Variants in YTHDF3 observed in about 807,000 individuals in gnomAD.
YTHDF3 encodes the protein YTH domain-containing family protein 3.
YTHDF3 carries 9 observed loss-of-function variants against 52.5 expected under a neutral mutation model. The ratio of observed to expected loss-of-function variants is 0.17; its 90% CI spans 0.10 to 0.30. The LOEUF is 0.30. Ranked by LOEUF, YTHDF3 falls within the 10% of genes least tolerant of loss-of-function variation. YTHDF3 has a pLI of 1.00. For missense variants in YTHDF3, 534 were observed against 715.0 expected, an observed-to-expected ratio of 0.75 and a Z score of 2.89; for synonymous variants, 274 against 243.3, an observed-to-expected ratio of 1.13 and a Z score of -1.18.
intron 4 of YTHDF3, among the ~76,000 whole-genome samples, chr8:63,199,399 A>AT (rs567705771): frequency 1.3e-3 from 193 of 152,160 alleles, no homozygotes; most frequent in Admixed American, 2.1e-3. Context: ...TGAATACTGC[A>AT]TTTTTTTATC....
chr8:63,177,931 T>C (rs888545072), intron 3 of YTHDF3, among the ~76,000 whole-genome samples: 2 of 152,100 alleles, frequency 1.3e-5, no homozygotes, highest in Admixed American at 6.5e-5. Context: ...CTAATTTTTA[T>C]ATTTTTAGGA....
chr8:63,193,450 T>TA (rs1350704512), intron 4 of YTHDF3, among the ~76,000 whole-genome samples: 1 of 146,452 alleles, frequency 6.8e-6, no homozygotes, highest in Non-Finnish European at 1.5e-5. Flanking sequence ...CTTAACTGAC[T>TA]AAAGATTTTT....
At chr8:63,191,617 A>G (rs1229142593) in intron 4 of YTHDF3, among the ~76,000 whole-genome samples, 1 of 152,204 alleles carries the variant, frequency 6.6e-6, no homozygotes, top group Non-Finnish European at 1.5e-5. Flanking sequence ...AAAAAATTAA[A>G]TATAATAAAA....
chr8:63,202,974 G>A (rs1430873321), intron 4 of YTHDF3, among the ~76,000 whole-genome samples: 3 of 152,068 alleles, frequency 2.0e-5, no homozygotes, highest in Non-Finnish European at 2.9e-5. Flanking sequence ...GGGCACGGTG[G>A]CTCGTGCCTG....
At chr8:63,173,185 GAA>G (rs1175582692) in intron 2 of YTHDF3, among the ~76,000 whole-genome samples, 1 of 103,556 alleles carries the variant, frequency 9.7e-6, no homozygotes, top group Non-Finnish European at 1.7e-5. Context: ...AAAAAAATAA[GAA>G]TAACAGGATT....
chr8:63,194,019 T>A (rs1809078860), intron 4 of YTHDF3, among the ~76,000 whole-genome samples: 1 of 151,942 alleles, frequency 6.6e-6, no homozygotes, highest in Non-Finnish European at 1.5e-5. Context: ...TTAGGAGCAA[T>A]CAATAGTTTT....
At position 63,210,420 on chromosome 8, in the gene YTHDF3, A is replaced by G. The variant is rs1810310846; in HGVS notation, c.*714A>G. The G allele has an allele frequency of 6.6e-6, 1 of 152,566 alleles. No homozygotes were observed. The highest frequency in any genetic ancestry group is 1.5e-5 in the Non-Finnish European group (1 of 68,008). The allele number at this position is 152,566 out of a possible 1,614,324, so 9.5% of individuals were successfully genotyped here. Reference sequence around the variant, plus strand: ...TTAATATGTATACTGAAAAATGTGCATTTGTCTGAGGAATTATTTTGTTTG... The same window carrying G: ...TTAATATGTATACTGAAAAATGTGCGTTTGTCTGAGGAATTATTTTGTTTG... On this transcript the variant is annotated 3_prime_UTR_variant, in exon 5 of 5. Coordinates refer to ENST00000539294, the MANE Select transcript of YTHDF3 (RefSeq NM_152758.6).
rs116862849 is a variant in YTHDF3, at chr8:63,201,663, G to A, written c.1735-8020G>A. Reference sequence around the variant, plus strand: ...TTTATTGAAAGGTGATTCAACTCTGGTATTGGCTGCATTTGACGCGCTTGA... The same window carrying A: ...TTTATTGAAAGGTGATTCAACTCTGATATTGGCTGCATTTGACGCGCTTGA... On this transcript the variant is annotated intron_variant, in intron 4 of 4. Coordinates refer to ENST00000539294, the MANE Select transcript of YTHDF3 (RefSeq NM_152758.6). Among the ~76,000 whole-genome samples the A allele has an allele frequency of 1.5e-3, 234 of 152,224 alleles. 1 individual carries two copies. The highest frequency in any genetic ancestry group is 2.9e-3 in the Admixed American group (44 of 15,288).
In YTHDF3 at chr8:63,212,195, G is replaced by T. The variant is rs916093752; in HGVS notation, c.*2489G>T. ...TTCTTATTAAAGCTATCTTATGTGG[G>T]TATTTTATTTTGAAAGGTATTATAG... On this transcript the variant is annotated 3_prime_UTR_variant, in exon 5 of 5. Coordinates refer to ENST00000539294, the MANE Select transcript of YTHDF3 (RefSeq NM_152758.6). 1 of 152,532 alleles carries T rather than the reference G, an allele frequency of 6.6e-6. No homozygotes were observed. Among genetic ancestry groups the T allele is most frequent in the Non-Finnish European group, 1.5e-5 (1 of 67,998 alleles). The allele number at this position is 152,532 out of a possible 1,614,324, so 9.4% of individuals were successfully genotyped here. A position where few individuals can be genotyped will look rare whatever the true frequency, so the allele number is the denominator to read the frequency against.
Position 63,168,916 on chromosome 8 carries a change from G to A in YTHDF3, c.24+15G>A, listed in dbSNP as rs1807073084. The A allele has an allele frequency of 1.3e-6, 2 of 1,550,562 alleles. No individual in the cohort carries two copies. Among genetic ancestry groups the A allele is most frequent in the Admixed American group, 2.0e-5 (1 of 51,064 alleles). On this transcript the variant is annotated intron_variant, in intron 1 of 4. Transcript: ENST00000539294. ...GCGTGGATCAGGTGAGGGAGCAGAGGCCCCAGGCTTGGCGAAGGCCCGAGC... is the reference window on the plus strand; with the variant it reads ...GCGTGGATCAGGTGAGGGAGCAGAGACCCCAGGCTTGGCGAAGGCCCGAGC...
chr8:63,190,293 CTTCTGTGTCT>C (rs1475597959), intron 4 of YTHDF3, among the ~76,000 whole-genome samples: 5 of 151,314 alleles, frequency 3.3e-5, no homozygotes, highest in Non-Finnish European at 7.4e-5. Context: ...GATAATCACC[CTTCTGTGTCT>C]TTTTTTTTTT....
At chr8:63,208,452 A>G (rs1366014017) in intron 4 of YTHDF3, among the ~76,000 whole-genome samples, 1 of 152,234 alleles carries the variant, frequency 6.6e-6, no homozygotes, top group East Asian at 1.9e-4. Context: ...GAGTCTTTTA[A>G]TGTGTTAAAC....
At chr8:63,188,004 TATCATCAAAGCTGAATGAATTTTGGC>T (rs1808643152) in intron 4 of YTHDF3, among the ~76,000 whole-genome samples, 1 of 152,220 alleles carries the variant, frequency 6.6e-6, no homozygotes, top group African/African-American at 2.4e-5. Context: ...CCTCAGTGTT[TATCATCAAAGCTGAATGAATTTTGGC>T]ATTTGTAACT....
intron 3 of YTHDF3, among the ~76,000 whole-genome samples, chr8:63,181,926 A>T (rs912775261): frequency 6.6e-6 from 1 of 152,246 alleles, no homozygotes; most frequent in African/African-American, 2.4e-5. Flanking sequence ...TTAGATATGC[A>T]TAAATTATAC....
At chr8:63,179,797 G>A (rs1295765517) in intron 3 of YTHDF3, among the ~76,000 whole-genome samples, 1 of 151,860 alleles carries the variant, frequency 6.6e-6, no homozygotes, top group East Asian at 2.0e-4. Flanking sequence ...AGGGGCGGCC[G>A]GGCAGAGGTG....
At chr8:63,183,325 A>G (rs1808277859) in intron 3 of YTHDF3, among the ~76,000 whole-genome samples, 1 of 151,930 alleles carries the variant, frequency 6.6e-6, no homozygotes, top group African/African-American at 2.4e-5. Context: ...ATTTTTATTA[A>G]ACTTTTGAGA....
At chr8:63,189,126 CTG>C (rs1808746861) in intron 4 of YTHDF3, 1 of 152,156 alleles carries the variant, frequency 6.6e-6, no homozygotes. Flanking sequence ...TATATACCCT[CTG>C]TAAGATTGAG....
chr8:63,201,047 A>G (rs557020363), intron 4 of YTHDF3, among the ~76,000 whole-genome samples: 1 of 152,356 alleles, frequency 6.6e-6, no homozygotes, highest in African/African-American at 2.4e-5. Context: ...AGAGCTCATT[A>G]AGAAAATTTC....
At chr8:63,203,261 A>G (rs144198780) in intron 4 of YTHDF3, among the ~76,000 whole-genome samples, 7 of 150,658 alleles carry the variant, frequency 4.6e-5, no homozygotes, top group African/African-American at 9.8e-5. Context: ...AAAAAAATGC[A>G]GTCTGATATA....
Sources: allele counts gnomAD v4.1 joint callset (sites outside exome capture counted in the v4.1 genomes callset), GRCh38; gene constraint gnomAD v4.1.1; transcripts MANE v1.5; gene names NCBI Gene and HGNC (gene_info 2026-07-23, HGNC 2026-07-21).